Variants in MDFIC observed in about 807,000 individuals in gnomAD.
The protein encoded by MDFIC is MyoD family inhibitor domain containing.
Under a neutral mutation model 23.2 loss-of-function variants are expected in MDFIC, and 17 were observed. That is an observed-to-expected ratio of 0.73 (90% CI 0.50 to 1.10). The LOEUF (loss-of-function observed/expected upper bound fraction) is 1.10. Among genes scored for constraint, MDFIC ranks in the 50% least tolerant of loss-of-function variants. MDFIC has a pLI of 0.00. For missense variants in MDFIC, 356 were observed against 316.6 expected, an observed-to-expected ratio of 1.12 and a Z score of -0.95; for synonymous variants, 120 against 115.2, an observed-to-expected ratio of 1.04 and a Z score of -0.27.
chr7:114,944,801 A>C lies in MDFIC; in HGVS notation c.217+2404A>C, dbSNP rs1027104112. Among the ~76,000 whole-genome samples the C allele has an allele frequency of 3.9e-5, 6 of 152,234 alleles. No homozygotes were observed. In the East Asian group the frequency reaches 5.8e-4, roughly 15 times the overall value. Reference sequence around the variant, plus strand: ...GCCCTGGAAAAGGAGACTCTGGCTCAGAGCTTCATGGGAGGAGGGGAACAT... The same window carrying C: ...GCCCTGGAAAAGGAGACTCTGGCTCCGAGCTTCATGGGAGGAGGGGAACAT... On this transcript the variant is annotated intron_variant, in intron 3 of 4. Transcript: ENST00000393486.
chr7:114,986,184 C>A lies in MDFIC; in HGVS notation c.493+6403C>A, dbSNP rs199614465. Among the ~76,000 whole-genome samples, 20 of 152,200 alleles carry A rather than the reference C, an allele frequency of 1.3e-4. No homozygotes were observed. In the East Asian group the frequency reaches 3.9e-3, roughly 29 times the overall value. ...TGAAACCCAGTTTATATTGTACAGG[C>A]TTTTTCTGCTTTCTTTTTTTAAAAC... On this transcript the variant is annotated intron_variant, in intron 4 of 4. Coordinates refer to ENST00000393486, the MANE Select transcript of MDFIC (RefSeq NM_001166345.3).
At chr7:114,951,523 G>A (rs1792770237) in intron 3 of MDFIC, among the ~76,000 whole-genome samples, 1 of 152,122 alleles carries the variant, frequency 6.6e-6, no homozygotes, top group African/African-American at 2.4e-5. Flanking sequence ...AATTATACAT[G>A]TGTGTTTATT....
At chr7:114,955,012 G>T (rs1240561142) in intron 3 of MDFIC, among the ~76,000 whole-genome samples, 1 of 151,934 alleles carries the variant, frequency 6.6e-6, no homozygotes, top group African/African-American at 2.4e-5. Flanking sequence ...TTGCATACCA[G>T]ATCTTCCTTC....
At chr7:114,956,719 A>G (rs1792891664) in intron 3 of MDFIC, among the ~76,000 whole-genome samples, 1 of 152,166 alleles carries the variant, frequency 6.6e-6, no homozygotes, top group African/African-American at 2.4e-5. Flanking sequence ...ATTTAGAATC[A>G]TTAGGGGTAG....
At chr7:114,994,905 G>T (rs1052676345) in intron 4 of MDFIC, among the ~76,000 whole-genome samples, 1 of 152,158 alleles carries the variant, frequency 6.6e-6, no homozygotes, top group Non-Finnish European at 1.5e-5. Flanking sequence ...GCCTTGCTAG[G>T]TTGGGGATGT....
intron 4 of MDFIC, among the ~76,000 whole-genome samples, chr7:114,990,349 T>G (rs1422579989): frequency 2.0e-5 from 3 of 151,950 alleles, no homozygotes; most frequent in Non-Finnish European, 4.4e-5. Flanking sequence ...ACTGTGTTAT[T>G]CTTTTTTTTT....
chr7:114,922,374 A>AG lies in MDFIC; in HGVS notation c.-366dup, dbSNP rs1237874218. Reference sequence around the variant, plus strand: ...GCAGAGAGGGGGAAGGCCCCCTCGCAGGGGAGCCGGCTGGAGTGAGCTGGC... The same window carrying AG: ...GCAGAGAGGGGGAAGGCCCCCTCGCAGGGGGAGCCGGCTGGAGTGAGCTGGC... On this transcript the variant is annotated 5_prime_UTR_variant, in exon 1 of 5. Coordinates refer to ENST00000393486, the MANE Select transcript of MDFIC (RefSeq NM_001166345.3). 2.6e-5 allele frequency: 32 copies of AG among 1,227,476 alleles called. No homozygotes were observed. The highest frequency in any genetic ancestry group is 5.1e-6 in the Non-Finnish European group (5 of 982,170). 76.0% of individuals were successfully genotyped at this position (1,227,476 alleles called of 1,614,324 possible). A position where few individuals can be genotyped will look rare whatever the true frequency, so the allele number is the denominator to read the frequency against.
intron 3 of MDFIC, among the ~76,000 whole-genome samples, chr7:114,945,511 G>A (rs1792627384): frequency 6.6e-6 from 1 of 152,120 alleles, no homozygotes; most frequent in Non-Finnish European, 1.5e-5. Context: ...TGGAAGACCT[G>A]GGGTATTATG....
chr7:114,988,094 G>A (rs948193111), intron 4 of MDFIC, among the ~76,000 whole-genome samples: 1 of 152,170 alleles, frequency 6.6e-6, no homozygotes, highest in Non-Finnish European at 1.5e-5. Flanking sequence ...AGAAGAAATA[G>A]AAGCTATCAG....
At position 114,922,251 on chromosome 7, in the gene MDFIC, G is replaced by A; in HGVS notation, c.-493G>A. ...GCCGCTCCCAGCATCGGGGCCGCTA[G>A]CCAAGAGTTCGAGGCCTTCCCGATC... On this transcript the variant is annotated 5_prime_UTR_variant, in exon 1 of 5. Transcript: ENST00000393486. The A allele has an allele frequency of 1.6e-6, 1 of 626,748 alleles. No homozygotes were observed. The highest frequency in any genetic ancestry group is 2.3e-6 in the Non-Finnish European group (1 of 436,168). The allele number at this position is 626,748 out of a possible 1,614,324, so 38.8% of individuals were successfully genotyped here.
chr7:114,986,523 A>C (rs879339845), intron 4 of MDFIC, among the ~76,000 whole-genome samples: 1 of 151,992 alleles, frequency 6.6e-6, no homozygotes, highest in Non-Finnish European at 1.5e-5. Context: ...TGACCTTACT[A>C]TTTCCCCTTC....
At chr7:114,927,314 TAAAAACAGTCC>T (rs1792211378) in intron 2 of MDFIC, among the ~76,000 whole-genome samples, 13 of 112,938 alleles carry the variant, frequency 1.2e-4, no homozygotes, top group African/African-American at 4.2e-4. Context: ...GATAGACTTT[TAAAAACAGTCC>T]TTTTTTTTTT....
At chr7:114,988,415 C>T (rs1793549160) in intron 4 of MDFIC, among the ~76,000 whole-genome samples, 1 of 152,050 alleles carries the variant, frequency 6.6e-6, no homozygotes. Flanking sequence ...TTTTTTAGGT[C>T]AAACATAATA....
chr7:114,989,666 C>T (rs562654508), intron 4 of MDFIC, among the ~76,000 whole-genome samples: 2 of 152,182 alleles, frequency 1.3e-5, no homozygotes, highest in Admixed American at 6.5e-5. Context: ...AAGTATTTAC[C>T]GAATTGTTAA....
Position 114,923,062 on chromosome 7 carries a change from C to T in MDFIC, c.29C>T (p.Pro10Leu), listed in dbSNP as rs1450947639. ...TCCGGCGCGGGCGAAGCCCTCGCTC[C>T]CGGGCCCGTGGGGCCGCAGCGCGTG... The part of the protein sequence containing the change: MSGAGEALA[P>L]GPVGPQRVAE... Residue 10 changes from proline to leucine, a missense_variant, in exon 2 of 5, where the codon CCC becomes CTC. Coordinates refer to ENST00000393486, the MANE Select transcript of MDFIC (RefSeq NM_001166345.3). 1.4e-6 allele frequency: 2 copies of T among 1,394,170 alleles called. No homozygotes were observed. The highest frequency in any genetic ancestry group is 1.5e-5 in the South Asian group (1 of 64,722). 86.4% of individuals were successfully genotyped at this position (1,394,170 alleles called of 1,614,324 possible).
intron 3 of MDFIC, among the ~76,000 whole-genome samples, chr7:114,944,253 A>C (rs1486336693): frequency 6.6e-6 from 1 of 152,174 alleles, no homozygotes; most frequent in Non-Finnish European, 1.5e-5. Context: ...CCCCTCTGAA[A>C]GGGCTGCTGG....
Position 114,922,181 on chromosome 7 carries a change from A to T in MDFIC, c.-563A>T, listed in dbSNP as rs1792091965. The T allele has an allele frequency of 2.6e-6, 1 of 388,174 alleles. No homozygotes were observed. The highest frequency in any genetic ancestry group is 3.8e-5 in the East Asian group (1 of 26,436). 24.0% of individuals were successfully genotyped at this position (388,174 alleles called of 1,614,324 possible). ...CAGGCCGGCTCTGGCCTCCTGACCC[A>T]GACAGCGCAGGGCGCGAGGGATCGC... On this transcript the variant is annotated 5_prime_UTR_variant, in exon 1 of 5. Transcript: ENST00000393486.
intron 4 of MDFIC, among the ~76,000 whole-genome samples, chr7:114,987,598 A>G (rs1793536180): frequency 6.6e-6 from 1 of 152,176 alleles, no homozygotes; most frequent in African/African-American, 2.4e-5. Flanking sequence ...TTCCAATGCA[A>G]TATTTGCTAG....
At chr7:114,930,610 T>C (rs922376925) in intron 2 of MDFIC, among the ~76,000 whole-genome samples, 1 of 152,202 alleles carries the variant, frequency 6.6e-6, no homozygotes, top group African/African-American at 2.4e-5. Flanking sequence ...CTTGTTGAGA[T>C]GATTTCATGG....
Sources: gnomAD v4.1 joint callset for allele counts (sites outside exome capture counted in the v4.1 genomes callset) on GRCh38, gnomAD v4.1.1 for gene constraint, MANE v1.5 for transcripts, NCBI Gene and HGNC (gene_info 2026-07-23, HGNC 2026-07-21) for gene names.